Variants in ADARB2 observed in about 807,000 individuals in gnomAD.
The protein encoded by ADARB2 is inactive double-stranded RNA-specific editase B2.
A neutral mutation model predicts 62.2 loss-of-function variants in ADARB2; 25 were observed. That is an observed-to-expected ratio of 0.40 (90% CI 0.29 to 0.56). The LOEUF (loss-of-function observed/expected upper bound fraction) is 0.56. Ranked by LOEUF, ADARB2 falls within the 20% of genes least tolerant of loss-of-function variation. The pLI is 0.43. For synonymous variants in ADARB2, 572 were observed against 500.8 expected, an observed-to-expected ratio of 1.14 and a Z score of -1.90; for missense variants, 1,071 against 1,077.4, an observed-to-expected ratio of 0.99 and a Z score of 0.08.
At position 1,363,268 on chromosome 10, in the gene ADARB2, G is replaced by C. The variant is rs1218039577; in HGVS notation, c.837C>G (p.Pro279=). ...CGCGCAGGCGGTTCAGCAGCACCAC[G>C]GGGTTGCGCTCGCCCGGGGCCGCGG... ...ATPAAPGERN[P]VVLLNRLRAG... The change falls in exon 3 of 10, where the codon CCC becomes CCG. Residue 279 remains proline, a synonymous_variant. Coordinates refer to ENST00000381312, the MANE Select transcript of ADARB2 (RefSeq NM_018702.4). 9 of 1,269,944 alleles carry C rather than the reference G, an allele frequency of 7.1e-6. No individual in the cohort carries two copies. The highest frequency in any genetic ancestry group is 1.6e-5 in the African/African-American group (1 of 64,134). 78.7% of individuals were successfully genotyped at this position (1,269,944 alleles called of 1,614,324 possible). A position where few individuals can be genotyped will look rare whatever the true frequency, so the allele number is the denominator to read the frequency against.
At chr10:1,726,078 A>G (rs186306008) in intron 1 of ADARB2, among the ~76,000 whole-genome samples, 34 of 152,344 alleles carry the variant, frequency 2.2e-4, no homozygotes, top group African/African-American at 8.2e-4. Context: ...AGGTATTACT[A>G]AATACTATTA....
rs1836708768 is a variant in ADARB2, at chr10:1,183,452, A to T, written c.2044-83T>A. 26 of 1,523,644 alleles carry T rather than the reference A, an allele frequency of 1.7e-5. No homozygotes were observed. In the Admixed American group the frequency reaches 4.7e-4, roughly 28 times the overall value. 94.4% of individuals were successfully genotyped at this position (1,523,644 alleles called of 1,614,324 possible). A position where few individuals can be genotyped will look rare whatever the true frequency, so the allele number is the denominator to read the frequency against. On this transcript the variant is annotated intron_variant, in intron 9 of 9. Transcript: ENST00000381312. ...AGGTGAGTTTTACATGCCAGGCATC[A>T]GCTCCTGGCCTTGGCCTTCTGCCTT...
intron 5 of ADARB2, among the ~76,000 whole-genome samples, chr10:1,234,938 G>T (rs1021273040): frequency 6.6e-6 from 1 of 151,930 alleles, no homozygotes; most frequent in Admixed American, 6.6e-5. Context: ...TAGTAGAGAT[G>T]GTTTTGCCAT....
In ADARB2 at chr10:1,474,927, C is replaced by T. The variant is rs1831379029; in HGVS notation, c.101-95767G>A. Among the ~76,000 whole-genome samples, 9 of 152,316 alleles carry T rather than the reference C, an allele frequency of 5.9e-5. 1 individual carries two copies. In the South Asian group the frequency reaches 1.9e-3, roughly 32 times the overall value. On this transcript the variant is annotated intron_variant, in intron 1 of 9. Transcript: ENST00000381312. ...CCACACGGCTGGACCGAGCCCGGGG[C>T]CTCAGTGACCGAGGCGGCGGCTGCC...
intron 1 of ADARB2, among the ~76,000 whole-genome samples, chr10:1,517,702 C>T (rs1832022820): frequency 6.6e-6 from 1 of 152,144 alleles, no homozygotes; most frequent in Non-Finnish European, 1.5e-5. Flanking sequence ...GTGGGGTGGA[C>T]CCAGCGACTG....
intron 1 of ADARB2, among the ~76,000 whole-genome samples, chr10:1,622,958 G>C (rs1833723305): frequency 6.6e-6 from 1 of 152,176 alleles, no homozygotes; most frequent in African/African-American, 2.4e-5. Flanking sequence ...GAAACAACAG[G>C]AACTCTATCC....
intron 3 of ADARB2, among the ~76,000 whole-genome samples, chr10:1,287,211 T>A (rs1057185137): frequency 6.6e-6 from 1 of 152,132 alleles, no homozygotes; most frequent in Non-Finnish European, 1.5e-5. Flanking sequence ...GAATAACGAG[T>A]TGAATCATAA....
At chr10:1,621,911 A>G (rs960077530) in intron 1 of ADARB2, among the ~76,000 whole-genome samples, 1 of 70 alleles carries the variant, frequency 0.014, no homozygotes, top group Non-Finnish European at 0.033. Flanking sequence ...AGGATCTAAT[A>G]GTAAAAAACA....
At chr10:1,465,247 G>A (rs973932479) in intron 1 of ADARB2, among the ~76,000 whole-genome samples, 3 of 152,166 alleles carry the variant, frequency 2.0e-5, no homozygotes, top group African/African-American at 7.2e-5. Context: ...GGCCACAGAG[G>A]GTGCGAGAGG....
intron 2 of ADARB2, among the ~76,000 whole-genome samples, chr10:1,370,283 G>GA (rs1832357130): frequency 1.3e-5 from 2 of 152,162 alleles, no homozygotes; most frequent in Non-Finnish European, 2.9e-5. Flanking sequence ...CAACAAACTA[G>GA]GCATTGTAGA....
intron 1 of ADARB2, among the ~76,000 whole-genome samples, chr10:1,385,825 T>C (rs368990525): frequency 6.6e-6 from 1 of 152,138 alleles, no homozygotes. Context: ...AAGAAGACTG[T>C]ACCAATCAGC....
At position 1,264,874 on chromosome 10, in the gene ADARB2, C is replaced by T. The variant is rs371155871; in HGVS notation, c.1192+6081G>A. Reference sequence around the variant, plus strand: ...AAAATTGTGGAGCGATAAAGCTGGACCTTAGTTTAAATGGGAAAGAATATT... The same window carrying T: ...AAAATTGTGGAGCGATAAAGCTGGATCTTAGTTTAAATGGGAAAGAATATT... On this transcript the variant is annotated intron_variant, in intron 4 of 9. Transcript: ENST00000381312. Among the ~76,000 whole-genome samples the T allele has an allele frequency of 2.5e-3, 384 of 152,200 alleles. 2 individuals carry two copies. Among genetic ancestry groups the T allele is most frequent in the African/African-American group, 8.8e-3 (367 of 41,512 alleles).
rs763394476 is a variant in ADARB2, at chr10:1,379,132, G to A, written c.129C>T (p.Leu43=). 8.1e-6 allele frequency: 13 copies of A among 1,613,546 alleles called. No homozygotes were observed. The highest frequency in any genetic ancestry group is 7.7e-5 in the South Asian group (7 of 91,042). ...CAGGACTCAGGTGCTTGAAAGGAGC[G>A]AGGAAGGTTGACAATATGCTTACTT... is the stretch of plus-strand genomic sequence containing the variant. ...KDKVSILSTF[L]APFKHLSPGI... is the part of the protein sequence containing the mutation. Residue 43 remains leucine (L), a synonymous_variant, in exon 2 of 10, where the codon CTC becomes CTT. Coordinates refer to ENST00000381312, the MANE Select transcript of ADARB2 (RefSeq NM_018702.4).
rs1040723470 is a variant in ADARB2 at position 1,276,655 on chromosome 10, C to T, written c.1078-5586G>A. Among the ~76,000 whole-genome samples, 109 of 152,198 alleles carry T rather than the reference C, an allele frequency of 7.2e-4. No individual in the cohort carries two copies. In the Middle Eastern group the frequency reaches 0.01, roughly 14 times the overall value. On this transcript the variant is annotated intron_variant, in intron 3 of 9. Transcript: ENST00000381312. ...GACTTAGACTCCCAAACAATAATAACGGGAGACTTTAACACCCCACTGTCA... is the reference window on the plus strand; with the variant it reads ...GACTTAGACTCCCAAACAATAATAATGGGAGACTTTAACACCCCACTGTCA...
At chr10:1,234,813 A>G (rs1029418165) in intron 5 of ADARB2, among the ~76,000 whole-genome samples, 4 of 123,980 alleles carry the variant, frequency 3.2e-5, no homozygotes, top group Non-Finnish European at 6.2e-5. Context: ...CAGTGGTGCA[A>G]TCTTGGCTCA....
At chr10:1,529,319 A>C (rs368527855) in intron 1 of ADARB2, among the ~76,000 whole-genome samples, 37 of 126,042 alleles carry the variant, frequency 2.9e-4, no homozygotes, top group Non-Finnish European at 4.3e-4. Context: ...ATCCTCCAAT[A>C]AGTCCATGCA....
chr10:1,441,872 C>T (rs1290390836), intron 1 of ADARB2, among the ~76,000 whole-genome samples: 1 of 152,154 alleles, frequency 6.6e-6, no homozygotes, highest in Non-Finnish European at 1.5e-5. Flanking sequence ...TCTGAATTCT[C>T]TCCTTATACT....
At position 1,379,162 on chromosome 10, in the gene ADARB2, T is replaced by G. The variant is rs868123758; in HGVS notation, c.101-2A>C. 6.8e-6 allele frequency: 11 copies of G among 1,609,308 alleles called. No individual in the cohort carries two copies. Among genetic ancestry groups the G allele is most frequent in the Admixed American group, 3.3e-5 (2 of 60,018 alleles). The stretch of plus-strand genomic sequence containing the variant: ...AGGTTGACAATATGCTTACTTTATC[T>G]GGAAAGAAAAGAACAGGAAATGCAC... On this transcript the variant is annotated splice_acceptor_variant, in intron 1 of 9. Coordinates refer to ENST00000381312, the MANE Select transcript of ADARB2 (RefSeq NM_018702.4). LOFTEE classifies it high-confidence loss of function.
Position 1,712,571 on chromosome 10 carries a change from C to G in ADARB2, c.100+24480G>C, listed in dbSNP as rs187444433. Among the ~76,000 whole-genome samples the G allele has an allele frequency of 5.4e-3, 815 of 152,094 alleles. 6 individuals carry two copies. The highest frequency in any genetic ancestry group is 0.019 in the African/African-American group (773 of 41,478). On this transcript the variant is annotated intron_variant, in intron 1 of 9. Transcript: ENST00000381312. ...GGAGGATTGGGAAAGCCCCCCTTAT[C>G]CTACCCAGAAAGCTCTTCCAGTTAC...
Sources: allele counts gnomAD v4.1 joint callset (sites outside exome capture counted in the v4.1 genomes callset), GRCh38; gene constraint gnomAD v4.1.1; transcripts MANE v1.5; gene names NCBI Gene and HGNC (gene_info 2026-07-23, HGNC 2026-07-21).